ZC2HC1A: variants seen among roughly 807,000 people sequenced by gnomAD.
ZC2HC1A encodes zinc finger C2HC domain-containing protein 1A.
In ZC2HC1A, 28 loss-of-function variants were observed where a neutral mutation model predicts 40.7. The ratio of observed to expected loss-of-function variants is 0.69; its 90% CI spans 0.51 to 0.94. ZC2HC1A has a LOEUF of 0.94. ZC2HC1A is among the 40% of genes least tolerant of loss of function. ZC2HC1A has a pLI of 0.00. For missense variants in ZC2HC1A, 389 were observed against 386.3 expected, an observed-to-expected ratio of 1.01 and a Z score of -0.06; for synonymous variants, 129 against 129.2, an observed-to-expected ratio of 1.00 and a Z score of 0.01.
chr8:78,698,566 G>T, intron 7 of ZC2HC1A, 53 bp downstream of exon 7: 1 of 1,299,424 alleles, frequency 7.7e-7, no homozygotes, highest in South Asian at 1.5e-5. Flanking sequence ...ACGATACTAA[G>T]GTTTTGTTAT....
At chr8:78,715,078 A>G in intron 7 of ZC2HC1A, 143 bp from the exon 8 acceptor site, 1 of 694,000 alleles carries the variant, frequency 1.4e-6, no homozygotes. Context: ...ATTTGCTTTC[A>G]GATTTAAAAT....
At chr8:78,712,894 G>T (rs1158757675) in intron 7 of ZC2HC1A, among the ~76,000 whole-genome samples, 1 of 152,152 alleles carries the variant, frequency 6.6e-6, no homozygotes, top group African/African-American at 2.4e-5. Context: ...TGCTCAGTAT[G>T]TATGTATGAA....
chr8:78,675,942 G>T, intron 2 of ZC2HC1A, 79 bp downstream of exon 2: 1 of 1,249,192 alleles, frequency 8.0e-7, no homozygotes, highest in Non-Finnish European at 1.2e-6. Flanking sequence ...CTCATGGGAA[G>T]AATTTACGTG....
chr8:78,686,739 G>T, intron 4 of ZC2HC1A, 131 bp downstream of exon 4: 1 of 977,104 alleles, frequency 1.0e-6, no homozygotes, highest in African/African-American at 1.7e-5. Context: ...AAAATTTGGT[G>T]TAAAATGGTG....
At chr8:78,667,394 G>A (rs1809329723) in intron 1 of ZC2HC1A, among the ~76,000 whole-genome samples, 1 of 152,038 alleles carries the variant, frequency 6.6e-6, no homozygotes, top group South Asian at 2.1e-4. Flanking sequence ...TGATAGTACA[G>A]TATATTTTAC....
chr8:78,676,731 T>G (rs533376846), intron 2 of ZC2HC1A, among the ~76,000 whole-genome samples: 1 of 149,328 alleles, frequency 6.7e-6, no homozygotes, highest in East Asian at 2.1e-4. Flanking sequence ...TTTTGTAATC[T>G]TTTAAAAACA....
chr8:78,697,460 A>T lies in ZC2HC1A; in HGVS notation c.558A>T (p.Gly186=), dbSNP rs910678174. The T allele has an allele frequency of 1.2e-6, 2 of 1,610,660 alleles. No individual in the cohort carries two copies. The highest frequency in any genetic ancestry group is 2.7e-5 in the African/African-American group (2 of 74,652). Residue 186 remains glycine (G), a synonymous_variant, in exon 6 of 9, where the codon GGA becomes GGT. Coordinates refer to ENST00000263849, the MANE Select transcript of ZC2HC1A (RefSeq NM_016010.3). ...KSNSPGTASS[G]SSRLPQPSGA... is the part of the protein sequence containing the mutation. ...ATTCTCCTGGAACTGCATCATCAGG[A>T]TCTTCACGATTACCGCAGCCAAGTG...
intron 5 of ZC2HC1A, among the ~76,000 whole-genome samples, chr8:78,693,821 G>C (rs1377121808): frequency 6.6e-6 from 1 of 152,168 alleles, no homozygotes; most frequent in African/African-American, 2.4e-5. Flanking sequence ...CCTGTGTCCT[G>C]AATGGTATTG....
intron 5 of ZC2HC1A, among the ~76,000 whole-genome samples, chr8:78,695,671 G>T (rs900297926): frequency 3.3e-5 from 5 of 151,954 alleles, no homozygotes; most frequent in Admixed American, 2.6e-4. Flanking sequence ...TATATATAGT[G>T]GCCCAGATGC....
At chr8:78,673,728 C>T (rs1196491526) in intron 1 of ZC2HC1A, among the ~76,000 whole-genome samples, 1 of 152,166 alleles carries the variant, frequency 6.6e-6, no homozygotes, top group Non-Finnish European at 1.5e-5. Flanking sequence ...CACACATGCA[C>T]ATGCCATATT....
chr8:78,711,613 T>TAAA, intron 7 of ZC2HC1A, among the ~76,000 whole-genome samples: 1 of 152,256 alleles, frequency 6.6e-6, no homozygotes, highest in Non-Finnish European at 1.5e-5. Context: ...TAGAGAAAGT[T>TAAA]TCCATGAATT....
At chr8:78,705,447 C>T (rs1021145228) in intron 7 of ZC2HC1A, among the ~76,000 whole-genome samples, 1 of 152,162 alleles carries the variant, frequency 6.6e-6, no homozygotes, top group African/African-American at 2.4e-5. Context: ...CCTGCCCCTC[C>T]TCCTGGGAGC....
intron 2 of ZC2HC1A, 78 bp from the exon 3 acceptor site, chr8:78,678,485 T>G: frequency 9.5e-7 from 1 of 1,052,170 alleles, no homozygotes; most frequent in Non-Finnish European, 1.4e-6. Context: ...TTTAAACTGG[T>G]CTCAATGTAA....
At chr8:78,671,124 TTC>T (rs1345956697) in intron 1 of ZC2HC1A, among the ~76,000 whole-genome samples, 1 of 152,212 alleles carries the variant, frequency 6.6e-6, no homozygotes, top group Non-Finnish European at 1.5e-5. Flanking sequence ...TTTGAAAATG[TTC>T]TCTCATAGTT....
chr8:78,685,007 T>C (rs543361412), intron 3 of ZC2HC1A, among the ~76,000 whole-genome samples: 305 of 152,240 alleles, frequency 2.0e-3, no homozygotes, highest in Non-Finnish European at 3.4e-3. Flanking sequence ...AAAATTTATA[T>C]ACATGAACTA....
chr8:78,697,927 C>G (rs555839525), intron 6 of ZC2HC1A, among the ~76,000 whole-genome samples: 3 of 152,148 alleles, frequency 2.0e-5, no homozygotes, highest in Non-Finnish European at 4.4e-5. Context: ...ATCCCCCAAC[C>G]TGAGCCTCCT....
At chr8:78,687,461 A>ATT (rs1810025210) in intron 4 of ZC2HC1A, among the ~76,000 whole-genome samples, 1 of 145,914 alleles carries the variant, frequency 6.9e-6, no homozygotes, top group Non-Finnish European at 1.5e-5. Flanking sequence ...TATATACATA[A>ATT]TTATATATAT....
rs1028032118 is a variant in ZC2HC1A at position 78,666,180 on chromosome 8, G to T, written c.16+16G>T. 15 of 1,573,520 alleles carry T rather than the reference G, an allele frequency of 9.5e-6. No individual in the cohort carries two copies. In the Admixed American group the frequency reaches 2.1e-4, roughly 22 times the overall value. On this transcript the variant is annotated intron_variant, in intron 1 of 8. Transcript: ENST00000263849. Reference sequence around the variant, plus strand: ...GGACTGGAAGGTGAGGCGATGAAGGGATGAGGGCAGGACGGCTAGAGCGGG... The same window carrying T: ...GGACTGGAAGGTGAGGCGATGAAGGTATGAGGGCAGGACGGCTAGAGCGGG...
At chr8:78,679,009 T>A (rs992766074) in intron 3 of ZC2HC1A, 3 of 162,140 alleles carry the variant, frequency 1.9e-5, no homozygotes, top group African/African-American at 7.2e-5. Flanking sequence ...ACTTTTGATA[T>A]AACTTAAGTT....
Sources: gnomAD v4.1 joint callset for allele counts (sites outside exome capture counted in the v4.1 genomes callset) on GRCh38, gnomAD v4.1.1 for gene constraint, MANE v1.5 for transcripts, NCBI Gene and HGNC (gene_info 2026-07-23, HGNC 2026-07-21) for gene names.